Variants in NPLOC4 observed in about 807,000 individuals in gnomAD.
The protein encoded by NPLOC4 is nuclear protein localization protein 4 homolog.
In NPLOC4, 18 loss-of-function variants were observed where a neutral mutation model predicts 80.6. That is an observed-to-expected ratio of 0.22 (90% CI 0.15 to 0.33). NPLOC4 has a LOEUF of 0.33. Ranked by LOEUF, NPLOC4 falls within the 10% of genes least tolerant of loss-of-function variation. NPLOC4 has a pLI of 1.00. For missense variants in NPLOC4, 540 were observed against 786.1 expected, an observed-to-expected ratio of 0.69 and a Z score of 3.74; for synonymous variants, 313 against 301.5, an observed-to-expected ratio of 1.04 and a Z score of -0.39.
At chr17:81,618,215 C>A (rs556897580) in intron 3 of NPLOC4, among the ~76,000 whole-genome samples, 1 of 151,042 alleles carries the variant, frequency 6.6e-6, no homozygotes, top group Non-Finnish European at 1.5e-5. Flanking sequence ...AAGTGAGGAG[C>A]GCCTCTTTCC....
chr17:81,573,120 T>G (rs142963921), intron 12 of NPLOC4, among the ~76,000 whole-genome samples: 1 of 152,362 alleles, frequency 6.6e-6, no homozygotes, highest in Non-Finnish European at 1.5e-5. Context: ...AGCTTTTCAT[T>G]AAAGATTCTG....
At chr17:81,579,714 C>T (rs899512928) in intron 12 of NPLOC4, among the ~76,000 whole-genome samples, 1 of 152,128 alleles carries the variant, frequency 6.6e-6, no homozygotes, top group Non-Finnish European at 1.5e-5. Flanking sequence ...TGCTGGACAC[C>T]AGGAAGCAGT....
At chr17:81,614,686 G>A (rs1340805221) in intron 3 of NPLOC4, among the ~76,000 whole-genome samples, 5 of 152,240 alleles carry the variant, frequency 3.3e-5, no homozygotes, top group Admixed American at 2.6e-4. Context: ...TCAGAGTCAC[G>A]CTGCCAACTT....
intron 11 of NPLOC4, among the ~76,000 whole-genome samples, chr17:81,591,456 A>G (rs1299174685): frequency 8.9e-6 from 1 of 112,506 alleles, no homozygotes; most frequent in Non-Finnish European, 1.9e-5. Context: ...AGAAAAAAAA[A>G]AAAAAAAAAA....
At chr17:81,586,370 G>A (rs886541125) in intron 12 of NPLOC4, among the ~76,000 whole-genome samples, 3 of 152,144 alleles carry the variant, frequency 2.0e-5, no homozygotes, top group African/African-American at 7.2e-5. Flanking sequence ...AACACTTTGG[G>A]TAGCCAAGGT....
At chr17:81,583,169 C>T (rs567800796) in intron 12 of NPLOC4, among the ~76,000 whole-genome samples, 1 of 152,356 alleles carries the variant, frequency 6.6e-6, no homozygotes, top group East Asian at 1.9e-4. Flanking sequence ...AAATATCTAT[C>T]AAAACTCGAA....
At chr17:81,596,987 C>A (rs983112014) in intron 10 of NPLOC4, among the ~76,000 whole-genome samples, 1 of 152,172 alleles carries the variant, frequency 6.6e-6, no homozygotes, top group Non-Finnish European at 1.5e-5. Context: ...GTGGCAGGCG[C>A]CTGTAGTCCC....
chr17:81,566,953 T>G (rs1423895450), intron 15 of NPLOC4: 1 of 171,914 alleles, frequency 5.8e-6, no homozygotes, highest in Non-Finnish European at 1.3e-5. Flanking sequence ...TGTGCAGCTG[T>G]GAGCTTGGGG....
intron 12 of NPLOC4, among the ~76,000 whole-genome samples, chr17:81,587,505 C>T (rs556487887): frequency 6.0e-5 from 9 of 149,084 alleles, no homozygotes; most frequent in African/African-American, 9.9e-5. Flanking sequence ...TTAGTAGAGA[C>T]GGGGTTTCAC....
At chr17:81,579,903 C>G (rs900322713) in intron 12 of NPLOC4, among the ~76,000 whole-genome samples, 2 of 137,472 alleles carry the variant, frequency 1.5e-5, no homozygotes, top group Admixed American at 1.4e-4. Flanking sequence ...GCTCACCCCC[C>G]ATTCTCCTCT....
chr17:81,636,987 A>G lies in NPLOC4; in HGVS notation c.-57T>C. On this transcript the variant is annotated 5_prime_UTR_variant, in exon 1 of 17. Transcript: ENST00000331134. Reference sequence around the variant, plus strand: ...CGGGCCGCCGCCGCCTGCCGCCCCAAGGGCCTCGCAGACCCGGCCGCGGCC... The same window carrying G: ...CGGGCCGCCGCCGCCTGCCGCCCCAGGGGCCTCGCAGACCCGGCCGCGGCC... 8.7e-7 allele frequency: 1 copy of G among 1,143,422 alleles called. No homozygotes were observed. The highest frequency in any genetic ancestry group is 4.4e-5 in the Admixed American group (1 of 22,820). 70.8% of individuals were successfully genotyped at this position (1,143,422 alleles called of 1,614,324 possible).
chr17:81,565,390 C>A, intron 16 of NPLOC4, 115 bp downstream of exon 16: 1 of 921,708 alleles, frequency 1.1e-6, no homozygotes. Flanking sequence ...TGGCACCTGC[C>A]AGGATGCAGC....
chr17:81,597,507 G>A (rs9899035), intron 9 of NPLOC4, among the ~76,000 whole-genome samples, 191 bp from the exon 10 acceptor site: 21,705 of 152,058 alleles, frequency 0.14, 1,845 homozygotes, highest in Admixed American at 0.23. Flanking sequence ...AAATTAGGCC[G>A]GGTGCGGTGG....
At chr17:81,579,803 T>G (rs1447289931) in intron 12 of NPLOC4, among the ~76,000 whole-genome samples, 1 of 152,080 alleles carries the variant, frequency 6.6e-6, no homozygotes, top group East Asian at 1.9e-4. Flanking sequence ...CCCATACTGG[T>G]GACTGTCCTT....
rs915452182 is a variant in NPLOC4 at position 81,559,399 on chromosome 17, G to A, written c.1687C>T (p.Leu563Phe). 9 of 1,610,230 alleles carry A rather than the reference G, an allele frequency of 5.6e-6. No homozygotes were observed. Among genetic ancestry groups the A allele is most frequent in the African/African-American group, 4.0e-5 (3 of 74,904 alleles). ...GCGCCGTACTCATGGAGACCTGGGA[G>A]CTGCCCGCCAACTGTGCCTGCAGGG... is the stretch of plus-strand genomic sequence containing the variant. ...EQLCSTVGGQ[L>F]PGLHEYGAVG... Residue 563 changes from leucine (L) to phenylalanine (F), a missense_variant, in exon 17 of 17, where the codon CTC becomes TTC. Transcript: ENST00000331134.
rs1166757440 is a variant in NPLOC4 at position 81,567,227 on chromosome 17, A to G, written c.1566+190T>C. Among the ~76,000 whole-genome samples the G allele has an allele frequency of 2.0e-5, 3 of 152,224 alleles. No individual in the cohort carries two copies. Among genetic ancestry groups the G allele is most frequent in the African/African-American group, 7.2e-5 (3 of 41,468 alleles). ...GGTGAAAAAATTAATCTTTCTATCA[A>G]CAAGCTTCTTGTGAAAAGCTGCTGC... On this transcript the variant is annotated intron_variant, in intron 15 of 16. Coordinates refer to ENST00000331134, the MANE Select transcript of NPLOC4 (RefSeq NM_017921.4). This position sits in a 1 kb window ranked among gnomAD's most constrained non-coding sequence, Gnocchi z 4.5.
chr17:81,586,602 T>A (rs1254575462), intron 12 of NPLOC4, among the ~76,000 whole-genome samples: 1 of 122,108 alleles, frequency 8.2e-6, no homozygotes. Flanking sequence ...AGAGCAAAAC[T>A]GTCTCAAAAA....
At chr17:81,618,431 G>A (rs567522960) in intron 3 of NPLOC4, among the ~76,000 whole-genome samples, 6 of 151,752 alleles carry the variant, frequency 4.0e-5, no homozygotes, top group East Asian at 1.9e-4. Flanking sequence ...CAGCCGCCCC[G>A]TCTGGGAAGT....
intron 12 of NPLOC4, among the ~76,000 whole-genome samples, chr17:81,574,106 AT>A (rs1211961980): frequency 6.6e-6 from 1 of 152,212 alleles, no homozygotes; most frequent in South Asian, 2.1e-4. Context: ...CTAAATCACC[AT>A]TTCCAAAAAT....
Sources: gnomAD v4.1 joint callset for allele counts (sites outside exome capture counted in the v4.1 genomes callset) on GRCh38, gnomAD v4.1.1 for gene constraint, Gnocchi (gnomAD v3.1) non-coding constraint, MANE v1.5 for transcripts, NCBI Gene and HGNC (gene_info 2026-07-23, HGNC 2026-07-21) for gene names.